Variants in MFSD6 observed in about 807,000 individuals in gnomAD.
MFSD6 encodes major facilitator superfamily domain containing 6, also known as major facilitator superfamily domain-containing protein 6.
MFSD6 carries 26 observed loss-of-function variants against 56.3 expected under a neutral mutation model. The observed-to-expected ratio is 0.46, with a 90% CI of 0.34 to 0.64. MFSD6 has a LOEUF of 0.64. Ranked by LOEUF, MFSD6 falls within the 30% of genes least tolerant of loss-of-function variation. The pLI, the probability that MFSD6 is intolerant of heterozygous loss-of-function variation, is 0.01. For synonymous variants in MFSD6, 331 were observed against 366.9 expected, an observed-to-expected ratio of 0.90 and a Z score of 1.12; for missense variants, 750 against 986.2, an observed-to-expected ratio of 0.76 and a Z score of 3.21.
rs913501201 is a variant in MFSD6, at chr2:190,463,438, T to C, written c.1533-6320T>C. 6.6e-6 allele frequency among the ~76,000 whole-genome samples: 1 copy of C among 152,192 alleles called. No individual in the cohort carries two copies. Among genetic ancestry groups the C allele is most frequent in the African/African-American group, 2.4e-5 (1 of 41,450 alleles). Reference sequence around the variant, plus strand: ...AGTCTCCACTCTAATCAGCAGCTGATGTCTGCCACTCTGCCTACTCTAGGA... The same window carrying C: ...AGTCTCCACTCTAATCAGCAGCTGACGTCTGCCACTCTGCCTACTCTAGGA... On this transcript the variant is annotated intron_variant, in intron 3 of 7. Coordinates refer to ENST00000392328, the MANE Select transcript of MFSD6 (RefSeq NM_017694.4). This position sits in a 1 kb window ranked among gnomAD's most constrained non-coding sequence, Gnocchi z 4.4.
At chr2:190,414,627 C>A (rs1340580493) in intron 1 of MFSD6, among the ~76,000 whole-genome samples, 2 of 152,116 alleles carry the variant, frequency 1.3e-5, no homozygotes, top group African/African-American at 4.8e-5. Context: ...AATGATCAGA[C>A]CTCAATTTAA....
rs1689644219 is a variant in MFSD6, at chr2:190,495,879, C to T, written c.1892-1560C>T. 6.6e-6 allele frequency among the ~76,000 whole-genome samples: 1 copy of T among 152,046 alleles called. No homozygotes were observed. The highest frequency in any genetic ancestry group is 2.4e-5 in the African/African-American group (1 of 41,412). On this transcript the variant is annotated intron_variant, in intron 6 of 7. Coordinates refer to ENST00000392328, the MANE Select transcript of MFSD6 (RefSeq NM_017694.4). The surrounding 1 kb of genome is among the most constrained non-coding windows in gnomAD (Gnocchi z 4.7). ...AAGGACTTAAATCTAAGACCTGAAACTTAAAATTCTAGAAGATAACATCAG... is the reference window on the plus strand; with the variant it reads ...AAGGACTTAAATCTAAGACCTGAAATTTAAAATTCTAGAAGATAACATCAG...
In MFSD6 at chr2:190,497,488, T is replaced by C. The variant is rs759657493; in HGVS notation, c.1941T>C (p.Pro647=). Reference sequence around the variant, plus strand: ...TTCCTGTTCCCTCCAGTCCCGTTCCTATAGCAACCATCGACTTGGTACAGC... The same window carrying C: ...TTCCTGTTCCCTCCAGTCCCGTTCCCATAGCAACCATCGACTTGGTACAGC... ...ERIPVPSSPV[P]IATIDLVQQQ... The change falls in exon 7 of 8, where the codon CCT becomes CCC. Residue 647 remains proline (P), a synonymous_variant. Coordinates refer to ENST00000392328, the MANE Select transcript of MFSD6 (RefSeq NM_017694.4). The surrounding 1 kb of genome is among the most constrained non-coding windows in gnomAD (Gnocchi z 5.2). 6.2e-7 allele frequency: 1 copy of C among 1,614,194 alleles called. No individual in the cohort carries two copies. Among genetic ancestry groups the C allele is most frequent in the Non-Finnish European group, 8.5e-7 (1 of 1,180,022 alleles).
upstream of MFSD6, among the ~76,000 whole-genome samples, chr2:190,407,878 C>G (rs754110681): frequency 1.4e-4 from 21 of 152,202 alleles, no homozygotes; most frequent in African/African-American, 9.6e-5. This position sits in a 1 kb window ranked among gnomAD's most constrained non-coding sequence, Gnocchi z 5.4. Context: ...ACTTAAAAGG[C>G]GCTCAAGGAA....
intron 2 of MFSD6, among the ~76,000 whole-genome samples, chr2:190,419,497 G>A (rs1690922676): frequency 6.6e-6 from 1 of 152,242 alleles, no homozygotes; most frequent in Non-Finnish European, 1.5e-5. Flanking sequence ...AAGGAAGAGT[G>A]TCCCTTCTGT....
chr2:190,433,029 T>C lies in MFSD6; in HGVS notation c.-53-2948T>C, dbSNP rs894910766. 2.0e-5 allele frequency among the ~76,000 whole-genome samples: 3 copies of C among 152,224 alleles called. No homozygotes were observed. The highest frequency in any genetic ancestry group is 7.2e-5 in the African/African-American group (3 of 41,450). On this transcript the variant is annotated intron_variant, in intron 2 of 7. Coordinates refer to ENST00000392328, the MANE Select transcript of MFSD6 (RefSeq NM_017694.4). The surrounding 1 kb of genome is among the most constrained non-coding windows in gnomAD (Gnocchi z 4.5). ...CAGATCTACCAAGTCTTTTACCAAT[T>C]GTTTACTTTCTGCTTTCCGTAATTT...
intron 2 of MFSD6, among the ~76,000 whole-genome samples, chr2:190,429,355 T>A (rs1233278746): frequency 6.6e-6 from 1 of 151,558 alleles, no homozygotes; most frequent in Non-Finnish European, 1.5e-5. Flanking sequence ...AGATGGAGTC[T>A]CACTCTGTCG....
Position 190,494,849 on chromosome 2 carries a change from A to G in MFSD6, c.1892-2590A>G, listed in dbSNP as rs537605801. Reference sequence around the variant, plus strand: ...AAAATCAGCATACAAGAGACATAACACAGTGAAATAAAAGCCATTTGTGAT... The same window carrying G: ...AAAATCAGCATACAAGAGACATAACGCAGTGAAATAAAAGCCATTTGTGAT... On this transcript the variant is annotated intron_variant, in intron 6 of 7. Transcript: ENST00000392328. This position sits in a 1 kb window ranked among gnomAD's most constrained non-coding sequence, Gnocchi z 5.7. Among the ~76,000 whole-genome samples the G allele has an allele frequency of 2.6e-5, 4 of 152,068 alleles. No individual in the cohort carries two copies. The highest frequency in any genetic ancestry group is 9.6e-5 in the African/African-American group (4 of 41,546).
At position 190,415,485 on chromosome 2, in the gene MFSD6, G is replaced by C. The variant is rs914411237; in HGVS notation, c.-54+72G>C. On this transcript the variant is annotated intron_variant, in intron 2 of 7. Coordinates refer to ENST00000392328, the MANE Select transcript of MFSD6 (RefSeq NM_017694.4). The surrounding 1 kb of genome is among the most constrained non-coding windows in gnomAD (Gnocchi z 4.5). ...GGATCTTGCTTTGTTGCCCATGCTGGTCTTAAACTCCTGGCTTCAAGTGAT... is the reference window on the plus strand; with the variant it reads ...GGATCTTGCTTTGTTGCCCATGCTGCTCTTAAACTCCTGGCTTCAAGTGAT... 2.0e-5 allele frequency: 3 copies of C among 151,946 alleles called. No individual in the cohort carries two copies. Among genetic ancestry groups the C allele is most frequent in the Non-Finnish European group, 4.4e-5 (3 of 67,994 alleles). 9.4% of individuals were successfully genotyped at this position (151,946 alleles called of 1,614,324 possible). A position where few individuals can be genotyped will look rare whatever the true frequency, so the allele number is the denominator to read the frequency against.
At position 190,439,814 on chromosome 2, in the gene MFSD6, TATTA is replaced by T. The variant is rs749464293; in HGVS notation, c.1532+2258_1532+2261del. On this transcript the variant is annotated intron_variant, in intron 3 of 7. Coordinates refer to ENST00000392328, the MANE Select transcript of MFSD6 (RefSeq NM_017694.4). This position sits in a 1 kb window ranked among gnomAD's most constrained non-coding sequence, Gnocchi z 5.8. ...AATTTTCATTCTGTCCATTAAAATG[TATTA>T]ATTATTTCAAGTGCTTTTAAAAGAG... is the stretch of plus-strand genomic sequence containing the variant. Among the ~76,000 whole-genome samples the T allele has an allele frequency of 1.8e-4, 27 of 152,238 alleles. No individual in the cohort carries two copies. Among genetic ancestry groups the T allele is most frequent in the Admixed American group, 5.9e-4 (9 of 15,286 alleles).
chr2:190,448,984 GTA>G (rs1686679162), intron 3 of MFSD6, among the ~76,000 whole-genome samples: 2 of 152,284 alleles, frequency 1.3e-5, no homozygotes, highest in South Asian at 4.1e-4. Flanking sequence ...AGTTATAGCT[GTA>G]TATGTTTTAA....
rs1686641412 is a variant in MFSD6 at position 190,447,879 on chromosome 2, AATATCTTACCATGTAAT to A, written c.1532+10322_1532+10338del. Among the ~76,000 whole-genome samples the A allele has an allele frequency of 1.3e-5, 2 of 152,222 alleles. No homozygotes were observed. The highest frequency in any genetic ancestry group is 4.1e-4 in the South Asian group (2 of 4,826). On this transcript the variant is annotated intron_variant, in intron 3 of 7. Coordinates refer to ENST00000392328, the MANE Select transcript of MFSD6 (RefSeq NM_017694.4). The surrounding 1 kb of genome is among the most constrained non-coding windows in gnomAD (Gnocchi z 4.5). Reference sequence around the variant, plus strand: ...CTTGAAAAGAACATCTTTGCAAAGAAATATCTTACCATGTAATATAGCTACCAGGCTGACTTATTAAT... The same window carrying A: ...CTTGAAAAGAACATCTTTGCAAAGAAATAGCTACCAGGCTGACTTATTAAT...
chr2:190,468,343 T>G (rs1054499030), intron 3 of MFSD6, among the ~76,000 whole-genome samples: 2 of 152,226 alleles, frequency 1.3e-5, no homozygotes, highest in Non-Finnish European at 2.9e-5. Flanking sequence ...TTTTTGTCTT[T>G]TCTTCATCTT....
intron 4 of MFSD6, among the ~76,000 whole-genome samples, chr2:190,481,320 G>A (rs572414435): frequency 1.3e-5 from 2 of 152,294 alleles, no homozygotes; most frequent in Admixed American, 1.3e-4. Context: ...AAGTTTGCAA[G>A]CTAGAGCTTA....
Position 190,457,657 on chromosome 2 carries a change from T to G in MFSD6, c.1533-12101T>G, listed in dbSNP as rs1687113610. Among the ~76,000 whole-genome samples, 2 of 152,238 alleles carry G rather than the reference T, an allele frequency of 1.3e-5. No homozygotes were observed. Among genetic ancestry groups the G allele is most frequent in the South Asian group, 4.1e-4 (2 of 4,834 alleles). On this transcript the variant is annotated intron_variant, in intron 3 of 7. Transcript: ENST00000392328. The surrounding 1 kb of genome is among the most constrained non-coding windows in gnomAD (Gnocchi z 5.1). ...AATTTGTAAAAGATGTGGCTGTTAT[T>G]GCTGAAATATTTGCATTTAATTTAA...
chr2:190,414,843 C>T (rs966855771), intron 1 of MFSD6, among the ~76,000 whole-genome samples: 1 of 152,146 alleles, frequency 6.6e-6, no homozygotes, highest in Admixed American at 6.5e-5. Flanking sequence ...ACTTTGGTGT[C>T]ATTTTTATCG....
chr2:190,497,656 C>T lies in MFSD6; in HGVS notation c.2109C>T (p.Tyr703=). 6.2e-7 allele frequency: 1 copy of T among 1,614,116 alleles called. No individual in the cohort carries two copies. The highest frequency in any genetic ancestry group is 8.5e-7 in the Non-Finnish European group (1 of 1,180,016). ...SPWVTFVYAL[Y]QIKEMMQLTR... ...GGGTGACCTTTGTCTATGCACTCTACCAAATTAAAGAGATGATGCAACTCA... is the reference window on the plus strand; with the variant it reads ...GGGTGACCTTTGTCTATGCACTCTATCAAATTAAAGAGATGATGCAACTCA... Residue 703 remains tyrosine (Y), a synonymous_variant, in exon 7 of 8, where the codon TAC becomes TAT. Coordinates refer to ENST00000392328, the MANE Select transcript of MFSD6 (RefSeq NM_017694.4). The surrounding 1 kb of genome is among the most constrained non-coding windows in gnomAD (Gnocchi z 5.2).
Position 190,485,895 on chromosome 2 carries a change from T to G in MFSD6, c.1631-2762T>G, listed in dbSNP as rs1688983621. 6.6e-6 allele frequency among the ~76,000 whole-genome samples: 1 copy of G among 152,162 alleles called. No homozygotes were observed. Among genetic ancestry groups the G allele is most frequent in the Non-Finnish European group, 1.5e-5 (1 of 68,022 alleles). ...ATGTTTCTTAGTCAACTGTGAGGCA[T>G]ACAATCTAATGTACCCAGTAAAAAC... On this transcript the variant is annotated intron_variant, in intron 4 of 7. Transcript: ENST00000392328. The surrounding 1 kb of genome is among the most constrained non-coding windows in gnomAD (Gnocchi z 5.1).
rs1376935952 is a variant in MFSD6, at chr2:190,413,571, T to C, written c.-175-1721T>C. On this transcript the variant is annotated intron_variant, in intron 1 of 7. Coordinates refer to ENST00000392328, the MANE Select transcript of MFSD6 (RefSeq NM_017694.4). The surrounding 1 kb of genome is among the most constrained non-coding windows in gnomAD (Gnocchi z 4.1). ...AAGACAGGGAAAGACAGGGACACTATGAATCAGCAGTGGGCAGAGTGAGCT... is the reference window on the plus strand; with the variant it reads ...AAGACAGGGAAAGACAGGGACACTACGAATCAGCAGTGGGCAGAGTGAGCT... 6.6e-6 allele frequency among the ~76,000 whole-genome samples: 1 copy of C among 151,966 alleles called. No individual in the cohort carries two copies. Among genetic ancestry groups the C allele is most frequent in the East Asian group, 1.9e-4 (1 of 5,196 alleles).
Sources: allele counts gnomAD v4.1 joint callset (sites outside exome capture counted in the v4.1 genomes callset), GRCh38; gene constraint gnomAD v4.1.1; non-coding constraint Gnocchi (gnomAD v3.1); transcripts MANE v1.5; gene names NCBI Gene and HGNC (gene_info 2026-07-23, HGNC 2026-07-21).